PCDH9: variants seen among roughly 807,000 people sequenced by gnomAD.
PCDH9 encodes the protein protocadherin 9.
A neutral mutation model predicts 70.6 loss-of-function variants in PCDH9; 24 were observed. That is an observed-to-expected ratio of 0.34 (90% CI 0.25 to 0.48). PCDH9 has a LOEUF of 0.48. Ranked by LOEUF, PCDH9 falls within the 20% of genes least tolerant of loss-of-function variation. The probability of loss-of-function intolerance (pLI) is 0.99; values close to 1 mark genes in which losing one functional copy is unlikely to be tolerated. For synonymous variants in PCDH9, 562 were observed against 558.5 expected, an observed-to-expected ratio of 1.01 and a Z score of -0.09; for missense variants, 1,281 against 1,503.6, an observed-to-expected ratio of 0.85 and a Z score of 2.45.
At chr13:66,613,199 A>G (rs1423961428) in intron 4 of PCDH9, among the ~76,000 whole-genome samples, 18 of 152,156 alleles carry the variant, frequency 1.2e-4, no homozygotes, top group Non-Finnish European at 2.4e-4. Flanking sequence ...AGAGTGCAGC[A>G]GAGCCGGCTG....
chr13:66,698,063 C>T (rs1244065085), intron 3 of PCDH9, among the ~76,000 whole-genome samples: 1 of 151,990 alleles, frequency 6.6e-6, no homozygotes, highest in Non-Finnish European at 1.5e-5. Context: ...AATATCAGTA[C>T]CTAGGGTTGT....
intron 4 of PCDH9, among the ~76,000 whole-genome samples, chr13:66,334,093 A>G (rs1955988857): frequency 1.3e-5 from 2 of 152,068 alleles, no homozygotes; most frequent in Admixed American, 1.3e-4. Flanking sequence ...TTTATTGTTA[A>G]CTACAGTCGC....
intron 2 of PCDH9, among the ~76,000 whole-genome samples, chr13:67,063,597 T>A (rs188063395): frequency 2.0e-5 from 3 of 152,134 alleles, no homozygotes; most frequent in Non-Finnish European, 2.9e-5. Flanking sequence ...TATACTATAC[T>A]GCCGATTTGC....
intron 4 of PCDH9, among the ~76,000 whole-genome samples, chr13:66,416,959 T>C (rs1480471780): frequency 6.6e-6 from 1 of 152,196 alleles, no homozygotes; most frequent in Non-Finnish European, 1.5e-5. Flanking sequence ...TTTTAACTGT[T>C]ATAATGTTAT....
At chr13:66,757,231 G>A (rs1344530031) in intron 3 of PCDH9, among the ~76,000 whole-genome samples, 1 of 152,160 alleles carries the variant, frequency 6.6e-6, no homozygotes, top group Admixed American at 6.6e-5. Flanking sequence ...TCTTGTTGAA[G>A]ACGGTAGAAC....
At chr13:67,077,506 C>T (rs61959362) in intron 2 of PCDH9, among the ~76,000 whole-genome samples, 14,600 of 152,238 alleles carry the variant, frequency 0.096, 778 homozygotes, top group Non-Finnish European at 0.12. Context: ...AATATCACCA[C>T]TTGATATTGA....
intron 3 of PCDH9, among the ~76,000 whole-genome samples, chr13:66,790,558 G>T (rs771612367): frequency 6.6e-6 from 1 of 151,820 alleles, no homozygotes; most frequent in Non-Finnish European, 1.5e-5. Context: ...TTATATATTT[G>T]GTTTTTTAAT....
chr13:66,559,934 A>C (rs928201197), intron 4 of PCDH9, among the ~76,000 whole-genome samples: 1 of 151,090 alleles, frequency 6.6e-6, no homozygotes, highest in Non-Finnish European at 1.5e-5. Context: ...CTGTATTTTC[A>C]GTCATTTTAA....
chr13:66,879,359 G>A (rs773340581), intron 3 of PCDH9, among the ~76,000 whole-genome samples: 1 of 152,072 alleles, frequency 6.6e-6, no homozygotes, highest in Admixed American at 6.5e-5. Flanking sequence ...AACAGTCATA[G>A]ACCAGCCTCT....
chr13:66,638,343 C>G (rs1448847526), intron 3 of PCDH9, among the ~76,000 whole-genome samples: 2 of 152,082 alleles, frequency 1.3e-5, no homozygotes, highest in Non-Finnish European at 2.9e-5. Context: ...GAATGGGAGA[C>G]TTTCACTGTA....
chr13:66,572,894 G>A (rs1323357009), intron 4 of PCDH9, among the ~76,000 whole-genome samples: 24 of 152,050 alleles, frequency 1.6e-4, no homozygotes, highest in Admixed American at 1.6e-3. Flanking sequence ...CAAGGAGTTG[G>A]GACCACAGAC....
At chr13:66,964,273 A>C (rs952140024) in intron 2 of PCDH9, among the ~76,000 whole-genome samples, 2 of 151,856 alleles carry the variant, frequency 1.3e-5, no homozygotes, top group African/African-American at 2.4e-5. Context: ...CTCTGTGCTT[A>C]TATTTGTTAC....
chr13:66,765,565 A>G (rs2079702507), intron 3 of PCDH9, among the ~76,000 whole-genome samples: 1 of 152,028 alleles, frequency 6.6e-6, no homozygotes, highest in Admixed American at 6.6e-5. Flanking sequence ...GATGTTCTTC[A>G]TGGTTATTCA....
At chr13:66,952,799 C>T (rs931253215) in intron 2 of PCDH9, among the ~76,000 whole-genome samples, 1 of 152,074 alleles carries the variant, frequency 6.6e-6, no homozygotes, top group South Asian at 2.1e-4. Flanking sequence ...ACAGCAGGGG[C>T]ACGGAACTTA....
chr13:66,639,623 C>G (rs1368764549), intron 3 of PCDH9, among the ~76,000 whole-genome samples: 1 of 152,078 alleles, frequency 6.6e-6, no homozygotes, highest in African/African-American at 2.4e-5. Flanking sequence ...ACATTTGAAA[C>G]AAACATAAAA....
chr13:66,350,815 C>T (rs759891433), intron 4 of PCDH9, among the ~76,000 whole-genome samples: 9 of 152,186 alleles, frequency 5.9e-5, no homozygotes, highest in Non-Finnish European at 1.2e-4. Flanking sequence ...ACATCTATGT[C>T]TCAAACAGAA....
intron 4 of PCDH9, among the ~76,000 whole-genome samples, chr13:66,349,533 C>T (rs1956262031): frequency 6.6e-6 from 1 of 152,162 alleles, no homozygotes; most frequent in Non-Finnish European, 1.5e-5. Flanking sequence ...TTCACAGCAG[C>T]AGAGCCTGCA....
chr13:67,199,651 G>A (rs2089161382), intron 2 of PCDH9, among the ~76,000 whole-genome samples: 1 of 151,954 alleles, frequency 6.6e-6, no homozygotes, highest in South Asian at 2.1e-4. Context: ...ATTAAAATAG[G>A]AAACAATTTC....
intron 4 of PCDH9, among the ~76,000 whole-genome samples, chr13:66,609,052 T>A (rs1261637851): frequency 6.6e-6 from 1 of 152,172 alleles, no homozygotes; most frequent in East Asian, 1.9e-4. Flanking sequence ...TGCTGTTGAG[T>A]GCAAACTTTA....
Sources: allele counts gnomAD v4.1 joint callset (sites outside exome capture counted in the v4.1 genomes callset), GRCh38; gene constraint gnomAD v4.1.1; transcripts MANE v1.5; gene names NCBI Gene and HGNC (gene_info 2026-07-23, HGNC 2026-07-21).